The following FBN1 variants were observed in gnomAD, a reference collection of about 807,000 sequenced individuals.
FBN1 encodes fibrillin 1.
A neutral mutation model predicts 365.1 loss-of-function variants in FBN1; 29 were observed. The observed-to-expected ratio is 0.08, with a 90% CI of 0.06 to 0.11. The LOEUF (loss-of-function observed/expected upper bound fraction) is 0.11, where lower values mean the gene tolerates loss of function less well. Among genes scored for constraint, FBN1 ranks in the 10% least tolerant of loss-of-function variants. FBN1 has a pLI of 1.00. For synonymous variants in FBN1, 1,210 were observed against 1,270.5 expected, an observed-to-expected ratio of 0.95 and a Z score of 1.01; for missense variants, 2,476 against 3,703.2, an observed-to-expected ratio of 0.67 and a Z score of 8.60.
chr15:48,537,517 A>C, intron 7 of FBN1, 94 bp downstream of exon 7: 1 of 1,479,092 alleles, frequency 6.8e-7, no homozygotes, highest in Non-Finnish European at 9.4e-7. Flanking sequence ...TATGTAGCTG[A>C]CACTACTTTT....
chr15:48,553,741 C>T (rs990624784), intron 6 of FBN1, among the ~76,000 whole-genome samples: 1 of 151,960 alleles, frequency 6.6e-6, no homozygotes, highest in Non-Finnish European at 1.5e-5. Flanking sequence ...CTTCTAATGA[C>T]AAGTCTGATT....
intron 6 of FBN1, among the ~76,000 whole-genome samples, chr15:48,575,174 G>A (rs2044335481): frequency 6.6e-6 from 1 of 152,204 alleles, no homozygotes; most frequent in Non-Finnish European, 1.5e-5. Flanking sequence ...ATAACAAAAT[G>A]AGGATGAAAG....
rs147121404 is a variant in FBN1 at position 48,464,516 on chromosome 15, G to A, written c.4943-495C>T. On this transcript the variant is annotated intron_variant, in intron 40 of 65. Transcript: ENST00000316623. Reference sequence around the variant, plus strand: ...GGGCAACAGAGCAAGACTCTGTCTCGAAACAAACAAACAAAAAACAAAAAC... The same window carrying A: ...GGGCAACAGAGCAAGACTCTGTCTCAAAACAAACAAACAAAAAACAAAAAC... Among the ~76,000 whole-genome samples the A allele has an allele frequency of 3.4e-3, 512 of 151,942 alleles. 1 individual carries two copies. Among genetic ancestry groups the A allele is most frequent in the Middle Eastern group, 0.01 (3 of 292 alleles).
chr15:48,475,638 A>G (rs569590337), intron 32 of FBN1, among the ~76,000 whole-genome samples: 1 of 152,368 alleles, frequency 6.6e-6, no homozygotes, highest in East Asian at 1.9e-4. Context: ...ATTTTGCCAT[A>G]CAAAACACTG....
Position 48,435,768 on chromosome 15 carries a change from G to GTGTA in FBN1, c.6497-1056_6497-1055insTACA, listed in dbSNP as rs1427160695. Among the ~76,000 whole-genome samples the GTGTA allele has an allele frequency of 2.9e-4, 32 of 111,312 alleles. 1 individual carries two copies. The highest frequency in any genetic ancestry group is 1.1e-3 in the African/African-American group (26 of 24,182). The allele number at this position is 111,312 out of a possible 152,430, so 73.0% of individuals were successfully genotyped here. Reference sequence around the variant, plus strand: ...TATATATATGTGTGTATATATATGTGTATATGTGTGTGTGTGTGTGTGTGT... The same window carrying GTGTA: ...TATATATATGTGTGTATATATATGTGTGTATATATGTGTGTGTGTGTGTGTGTGT... On this transcript the variant is annotated intron_variant, in intron 53 of 65. Transcript: ENST00000316623.
At chr15:48,441,985 C>T in intron 49 of FBN1, 139 bp from the exon 50 acceptor site, 1 of 877,992 alleles carries the variant, frequency 1.1e-6, no homozygotes, top group Non-Finnish European at 1.9e-6. Context: ...TGTACCATAA[C>T]ACTGTGGACT....
At chr15:48,600,686 C>T (rs1265205644) in intron 4 of FBN1, among the ~76,000 whole-genome samples, 1 of 152,110 alleles carries the variant, frequency 6.6e-6, no homozygotes, top group African/African-American at 2.4e-5. Context: ...GCCTGAGTGA[C>T]AGAGCGAGCG....
chr15:48,591,294 CA>C (rs1307872261), intron 6 of FBN1, among the ~76,000 whole-genome samples: 1 of 150,864 alleles, frequency 6.6e-6, no homozygotes, highest in African/African-American at 2.4e-5. Flanking sequence ...AATGCCTCCT[CA>C]AAAGGGAAAA....
intron 31 of FBN1, among the ~76,000 whole-genome samples, chr15:48,482,612 G>A (rs1237557844): frequency 6.6e-6 from 1 of 152,158 alleles, no homozygotes; most frequent in Non-Finnish European, 1.5e-5. Flanking sequence ...GGGCATCCTG[G>A]AAGGCTGAGG....
intron 6 of FBN1, among the ~76,000 whole-genome samples, chr15:48,555,644 G>GA (rs2044173902): frequency 2.0e-5 from 3 of 152,264 alleles, no homozygotes; most frequent in African/African-American, 7.2e-5. Context: ...CTTAGGAGGA[G>GA]AGAGTCTTGT....
At chr15:48,634,857 CCACACACA>C (rs57811526) in intron 2 of FBN1, among the ~76,000 whole-genome samples, 1,797 of 69,110 alleles carry the variant, frequency 0.026, 86 homozygotes, top group African/African-American at 0.084. Context: ...AAAAAAAAAA[CCACACACA>C]CACACACACA....
chr15:48,526,094 AC>A, intron 9 of FBN1, 35 bp downstream of exon 9: 1 of 1,613,174 alleles, frequency 6.2e-7, no homozygotes. Flanking sequence ...GAACTGACTT[AC>A]ACAAACCATG....
chr15:48,523,376 A>G (rs2043877162), intron 9 of FBN1, among the ~76,000 whole-genome samples: 1 of 152,244 alleles, frequency 6.6e-6, no homozygotes, highest in Non-Finnish European at 1.5e-5. Context: ...GCTGACTTAT[A>G]TGTTAAATCA....
At chr15:48,597,407 T>C (rs1477795743) in intron 5 of FBN1, among the ~76,000 whole-genome samples, 2 of 152,196 alleles carry the variant, frequency 1.3e-5, no homozygotes, top group Non-Finnish European at 2.9e-5. Context: ...ATGGAACTCT[T>C]TGATGGGCAC....
intron 29 of FBN1, among the ~76,000 whole-genome samples, chr15:48,486,340 A>G (rs1199896236): frequency 6.6e-6 from 1 of 152,104 alleles, no homozygotes; most frequent in Non-Finnish European, 1.5e-5. Flanking sequence ...TTGGGTGGAA[A>G]CCATGTGAGA....
At position 48,474,350 on chromosome 15, in the gene FBN1, T is replaced by G; in HGVS notation, c.4115A>C (p.His1372Pro). 2 of 1,614,160 alleles carry G rather than the reference T, an allele frequency of 1.2e-6. No homozygotes were observed. Among genetic ancestry groups the G allele is most frequent in the Non-Finnish European group, 1.7e-6 (2 of 1,180,004 alleles). The change falls in exon 34 of 66, where the codon CAT (histidine) becomes CCT (proline). Residue 1372 changes from histidine (H) to proline (P), a missense_variant. Around this residue, in one of 5 missense-constraint regions of FBN1, gnomAD observed 1,780 missense variants for 2,840.8 expected, o/e 0.63. Coordinates refer to ENST00000316623, the MANE Select transcript of FBN1 (RefSeq NM_000138.5). ...GCAGTCTGCATGCTGGCTGCACATATGGGTTCCATTGGAACATTCGTCCAG... is the reference window on the plus strand; with the variant it reads ...GCAGTCTGCATGCTGGCTGCACATAGGGGTTCCATTGGAACATTCGTCCAG... ...TDLDECSNGTHMCSQHADCKN... is the reference protein window; with the variant it reads ...TDLDECSNGTPMCSQHADCKN...
chr15:48,526,981 A>G (rs922837538), intron 8 of FBN1, among the ~76,000 whole-genome samples: 1 of 152,202 alleles, frequency 6.6e-6, no homozygotes, highest in Non-Finnish European at 1.5e-5. Context: ...CCGACACCCA[A>G]TAAGCAATTG....
intron 49 of FBN1, among the ~76,000 whole-genome samples, chr15:48,442,061 G>C (rs1183209885): frequency 6.6e-6 from 1 of 152,222 alleles, no homozygotes; most frequent in Non-Finnish European, 1.5e-5. Context: ...AAAATGGAAT[G>C]TGCAACTGCC....
At chr15:48,626,616 TAA>T (rs1397947568) in intron 2 of FBN1, among the ~76,000 whole-genome samples, 1 of 152,172 alleles carries the variant, frequency 6.6e-6, no homozygotes, top group African/African-American at 2.4e-5. Flanking sequence ...TAAGTTTCTA[TAA>T]AGTCAGAGGA....
Sources: gnomAD v4.1 joint callset for allele counts (sites outside exome capture counted in the v4.1 genomes callset) on GRCh38, gnomAD v4.1.1 for gene constraint, gnomAD v4.1.1 regional missense constraint, MANE v1.5 for transcripts, NCBI Gene and HGNC (gene_info 2026-07-23, HGNC 2026-07-21) for gene names.